UMPS: variants seen among roughly 807,000 people sequenced by gnomAD.
UMPS encodes the protein uridine 5'-monophosphate synthase.
Under a neutral mutation model 38.9 loss-of-function variants are expected in UMPS, and 21 were observed. That is an observed-to-expected ratio of 0.54 (90% CI 0.38 to 0.78). The LOEUF is 0.78. Among genes scored for constraint, UMPS ranks in the 30% least tolerant of loss-of-function variants. The pLI is 0.00. For missense variants in UMPS, 533 were observed against 591.6 expected (o/e 0.90, Z 1.03); for synonymous variants, 208 against 219.3 (o/e 0.95, Z 0.45).
intron 2 of UMPS, among the ~76,000 whole-genome samples, chr3:124,736,788 G>A (rs533713409): frequency 1.1e-4 from 17 of 152,282 alleles, no homozygotes; most frequent in Admixed American, 3.3e-4. Context: ...TTCAAGAAGC[G>A]GAAAGGATTT....
chr3:124,739,943 T>G, intron 3 of UMPS, 81 bp from the exon 4 acceptor site: 2 of 1,319,864 alleles, frequency 1.5e-6, no homozygotes, highest in Non-Finnish European at 1.1e-6. Flanking sequence ...GATTATTTCA[T>G]ATTGTAGTTG....
intron 4 of UMPS, among the ~76,000 whole-genome samples, chr3:124,741,254 G>A (rs2150899855): frequency 6.6e-6 from 1 of 152,298 alleles, no homozygotes; most frequent in East Asian, 1.9e-4. Context: ...GTTGGCAGTA[G>A]TACTTGGTGG....
chr3:124,730,475 G>C lies in UMPS; in HGVS notation c.4G>C (p.Ala2Pro). ...AGCAAACAGGCAGCGCGCGACAATG[G>C]CGGTCGCTCGTGCAGCTTTGGGGCC... M[A>P]VARAALGPLV... The change falls in exon 1 of 6, where the codon GCG becomes CCG. Residue 2 changes from alanine (A) to proline (P), a missense_variant. Transcript: ENST00000232607. 1 of 1,614,126 alleles carries C rather than the reference G, an allele frequency of 6.2e-7. No homozygotes were observed. Among genetic ancestry groups the C allele is most frequent in the Non-Finnish European group, 8.5e-7 (1 of 1,179,964 alleles).
chr3:124,733,968 G>GA (rs1647690511), intron 1 of UMPS, among the ~76,000 whole-genome samples: 1 of 152,110 alleles, frequency 6.6e-6, no homozygotes, highest in African/African-American at 2.4e-5. Context: ...ATATGAGTTG[G>GA]AAAAAGATGT....
Position 124,743,982 on chromosome 3 carries a change from C to T in UMPS, c.1341C>T (p.Ile447=), listed in dbSNP as rs761694362. ...TTGGCAAACGAGGTTCCGATATCAT[C>T]ATTGTAGGTCGTGGCATAATCTCAG... ...EVIGKRGSDI[I]IVGRGIISAA... The change falls in exon 6 of 6, where the codon ATC becomes ATT. Residue 447 remains isoleucine, a synonymous_variant. Transcript: ENST00000232607. The T allele has an allele frequency of 5.0e-6, 8 of 1,614,242 alleles. No homozygotes were observed. Among genetic ancestry groups the T allele is most frequent in the Non-Finnish European group, 6.8e-6 (8 of 1,180,044 alleles).
At chr3:124,743,072 G>A (rs1423374595) in intron 5 of UMPS, among the ~76,000 whole-genome samples, 3 of 152,160 alleles carry the variant, frequency 2.0e-5, no homozygotes, top group East Asian at 1.9e-4. Context: ...GGGGGCTCAC[G>A]CTCGTAATCC....
rs1187507601 is a variant in UMPS, at chr3:124,747,340, A to G, written c.*3256A>G. 2 of 455,174 alleles carry G rather than the reference A, an allele frequency of 4.4e-6. No homozygotes were observed. The allele number at this position is 455,174 out of a possible 1,614,324, so 28.2% of individuals were successfully genotyped here. A position where few individuals can be genotyped will look rare whatever the true frequency, so the allele number is the denominator to read the frequency against. ...CAGGGGTGCAGCCACAGGAGAGCCA[A>G]CAGCAGAGGGTGCTGGCCGCTGAGC... is the stretch of plus-strand genomic sequence containing the variant. On this transcript the variant is annotated 3_prime_UTR_variant, in exon 6 of 6. Transcript: ENST00000232607.
intron 1 of UMPS, among the ~76,000 whole-genome samples, chr3:124,734,021 G>C (rs1299228470): frequency 6.6e-6 from 1 of 152,018 alleles, no homozygotes; most frequent in African/African-American, 2.4e-5. Flanking sequence ...TTCACGTTTT[G>C]TTTTTTTAAA....
At position 124,740,163 on chromosome 3, in the gene UMPS, C is replaced by T. The variant is rs141569027; in HGVS notation, c.1122C>T (p.Thr374=). ...TCCTTATTGCGGAAATGAGCTCCAC[C>T]GGCTCCCTGGCCACTGGGGACTACA... ...GCLLIAEMSS[T]GSLATGDYTR... Residue 374 remains threonine (T), a synonymous_variant, in exon 4 of 6, where the codon ACC becomes ACT. Coordinates refer to ENST00000232607, the MANE Select transcript of UMPS (RefSeq NM_000373.4). The T allele has an allele frequency of 2.4e-5, 39 of 1,613,334 alleles. No homozygotes were observed. The highest frequency in any genetic ancestry group is 8.8e-5 in the South Asian group (8 of 91,044).
At position 124,747,236 on chromosome 3, in the gene UMPS, G is replaced by A. The variant is rs1979413; in HGVS notation, c.*3152G>A. On this transcript the variant is annotated 3_prime_UTR_variant, in exon 6 of 6. Transcript: ENST00000232607. The stretch of plus-strand genomic sequence containing the variant: ...AGACGGTGGAGGAGGTTCTCACTGT[G>A]ACTCAGTGTGTGCCCGACAGCAGAG... 0.19 allele frequency: 84,144 copies of A among 452,420 alleles called. 8,660 individuals are homozygous for A. The highest frequency in any genetic ancestry group is 0.29 in the Admixed American group (12,418 of 42,488). The allele number at this position is 452,420 out of a possible 1,614,324, so 28.0% of individuals were successfully genotyped here. A position where few individuals can be genotyped will look rare whatever the true frequency, so the allele number is the denominator to read the frequency against.
chr3:124,737,570 A>G lies in UMPS; in HGVS notation c.313A>G (p.Thr105Ala). 6.2e-7 allele frequency: 1 copy of G among 1,614,216 alleles called. No individual in the cohort carries two copies. The highest frequency in any genetic ancestry group is 8.5e-7 in the Non-Finnish European group (1 of 1,180,038). The change falls in exon 3 of 6, where the codon ACT (threonine) becomes GCT (alanine). Residue 105 changes from threonine to alanine, a missense_variant and splice_region_variant. By Grantham distance (58) the Thr-to-Ala change is moderately conservative. Transcript: ENST00000232607. ...CAGCAAAATTTTTTCTTTTCTAGGAACTAAGCGTCTTGTAGAAGGAACTAT... is the reference window on the plus strand; with the variant it reads ...CAGCAAAATTTTTTCTTTTCTAGGAGCTAAGCGTCTTGTAGAAGGAACTAT... ...IRRKETKDYGTKRLVEGTINP... is the reference protein window; with the variant it reads ...IRRKETKDYGAKRLVEGTINP...
At chr3:124,730,912 C>T (rs2063470942) in intron 1 of UMPS, among the ~76,000 whole-genome samples, 1 of 152,294 alleles carries the variant, frequency 6.6e-6, no homozygotes, top group Middle Eastern at 3.4e-3. Context: ...TGAATGAATT[C>T]TGTATATTTA....
At position 124,745,319 on chromosome 3, in the gene UMPS, T is replaced by C. The variant is rs1446535665; in HGVS notation, c.*1235T>C. 1 of 453,862 alleles carries C rather than the reference T, an allele frequency of 2.2e-6. No individual in the cohort carries two copies. The highest frequency in any genetic ancestry group is 1.6e-5 in the South Asian group (1 of 64,464). 28.1% of individuals were successfully genotyped at this position (453,862 alleles called of 1,614,324 possible). ...ACAGGATCAGCCATTTCCCCACCCT[T>C]GTCAGCTGATGGCCCACTGTTCTTT... is the stretch of plus-strand genomic sequence containing the variant. On this transcript the variant is annotated 3_prime_UTR_variant, in exon 6 of 6. Coordinates refer to ENST00000232607, the MANE Select transcript of UMPS (RefSeq NM_000373.4).
chr3:124,742,297 A>G (rs748491243), intron 5 of UMPS, 31 bp downstream of exon 5: 9 of 1,532,588 alleles, frequency 5.9e-6, no homozygotes, highest in Non-Finnish European at 8.1e-6. Context: ...TGGCTCTTCC[A>G]AAAATGCTTC....
intron 1 of UMPS, chr3:124,731,509 G>A: frequency 2.3e-6 from 1 of 436,378 alleles, no homozygotes; most frequent in South Asian, 1.7e-5. Flanking sequence ...TTTTTAGATG[G>A]GATCTCTCTT....
chr3:124,743,992 C>A lies in UMPS; in HGVS notation c.1351C>A (p.Arg451Ser). 4 of 1,614,128 alleles carry A rather than the reference C, an allele frequency of 2.5e-6. No individual in the cohort carries two copies. The highest frequency in any genetic ancestry group is 3.4e-6 in the Non-Finnish European group (4 of 1,180,030). Residue 451 changes from arginine to serine, a missense_variant, in exon 6 of 6, where the codon CGT (arginine) becomes AGT (serine). Arg to Ser is a moderately radical substitution (Grantham distance 110, BLOSUM62 -1). Transcript: ENST00000232607. ...AGGTTCCGATATCATCATTGTAGGT[C>A]GTGGCATAATCTCAGCAGCTGATCG... Reference protein sequence around the residue: ...KRGSDIIIVGRGIISAADRLE... With the variant: ...KRGSDIIIVGSGIISAADRLE...
rs368193228 is a variant in UMPS, at chr3:124,747,218, G to T, written c.*3134G>T. ...TTTTAAAATTTTTTGTAGAGACGGTGGAGGAGGTTCTCACTGTGACTCAGT... is the reference window on the plus strand; with the variant it reads ...TTTTAAAATTTTTTGTAGAGACGGTTGAGGAGGTTCTCACTGTGACTCAGT... On this transcript the variant is annotated 3_prime_UTR_variant, in exon 6 of 6. Transcript: ENST00000232607. 2.3e-4 allele frequency: 105 copies of T among 453,240 alleles called. 1 individual carries two copies. The highest frequency in any genetic ancestry group is 1.6e-3 in the South Asian group (103 of 64,758). 28.1% of individuals were successfully genotyped at this position (453,240 alleles called of 1,614,324 possible). A position where few individuals can be genotyped will look rare whatever the true frequency, so the allele number is the denominator to read the frequency against.
rs753239494 is a variant in UMPS, at chr3:124,737,849, A to G, written c.592A>G (p.Lys198Glu). ...TGATGCTGAGACAGTTGGGAGAGTG[A>G]AGAGGTTTATTCAGGAGAATGTCTT... is the stretch of plus-strand genomic sequence containing the variant. Reference protein sequence around the residue: ...KVDAETVGRVKRFIQENVFVA... With the variant: ...KVDAETVGRVERFIQENVFVA... Residue 198 changes from lysine (K) to glutamate (E), a missense_variant, in exon 3 of 6, where the codon AAG becomes GAG. Physicochemically the swap from Lys to Glu is moderately conservative, Grantham distance 56 (BLOSUM62 1). Transcript: ENST00000232607. The G allele has an allele frequency of 4.3e-6, 7 of 1,614,090 alleles. No individual in the cohort carries two copies. In the Admixed American group the frequency reaches 1.2e-4, roughly 27 times the overall value.
chr3:124,731,521 C>T (rs771917575), intron 1 of UMPS: 12 of 436,140 alleles, frequency 2.8e-5, no homozygotes, highest in East Asian at 7.4e-5. Context: ...ATCTCTCTTA[C>T]GTCACCCAGG....
Sources: gnomAD v4.1 joint callset for allele counts (sites outside exome capture counted in the v4.1 genomes callset) on GRCh38, gnomAD v4.1.1 for gene constraint, MANE v1.5 for transcripts, NCBI Gene and HGNC (gene_info 2026-07-23, HGNC 2026-07-21) for gene names.